ALDH1L1: variants seen among roughly 807,000 people sequenced by gnomAD.
The protein encoded by ALDH1L1 is cytosolic 10-formyltetrahydrofolate dehydrogenase.
Under a neutral mutation model 101.1 loss-of-function variants are expected in ALDH1L1, and 68 were observed. The ratio of observed to expected loss-of-function variants is 0.67; its 90% CI spans 0.55 to 0.82. The LOEUF (loss-of-function observed/expected upper bound fraction) is 0.82, where lower values mean the gene tolerates loss of function less well. ALDH1L1 is among the 40% of genes least tolerant of loss of function. The pLI is 0.00. For missense variants in ALDH1L1, 1,087 were observed against 1,172.7 expected, an observed-to-expected ratio of 0.93 and a Z score of 1.07; for synonymous variants, 486 against 470.8, an observed-to-expected ratio of 1.03 and a Z score of -0.42.
chr3:126,139,461 C>G (rs1334610058), intron 9 of ALDH1L1, among the ~76,000 whole-genome samples: 1 of 152,022 alleles, frequency 6.6e-6, no homozygotes, highest in Non-Finnish European at 1.5e-5. Context: ...CACAACATAA[C>G]ACCCAAAATG....
chr3:126,134,840 C>G (rs2080394377), intron 12 of ALDH1L1, among the ~76,000 whole-genome samples: 1 of 152,188 alleles, frequency 6.6e-6, no homozygotes, highest in South Asian at 2.1e-4. Context: ...GTGTTCTCGG[C>G]TCATCTGGCC....
chr3:126,145,334 A>G lies in ALDH1L1; in HGVS notation c.1076+1501T>C, dbSNP rs148855376. On this transcript the variant is annotated intron_variant, in intron 9 of 22. Transcript: ENST00000393434. The stretch of plus-strand genomic sequence containing the variant: ...AAAAAATTAAAAGAAGAACTATCAT[A>G]TGACCCAGTAATCTCACTGCTGGGT... Among the ~76,000 whole-genome samples, 20 of 152,358 alleles carry G rather than the reference A, an allele frequency of 1.3e-4. No homozygotes were observed. The East Asian group carries it at 2.3e-3, about 18-fold the overall frequency.
At chr3:126,131,733 C>T (rs1346476144) in intron 12 of ALDH1L1, among the ~76,000 whole-genome samples, 199 bp from the exon 13 acceptor site, 1 of 152,256 alleles carries the variant, frequency 6.6e-6, no homozygotes, top group Non-Finnish European at 1.5e-5. Flanking sequence ...GGATGACACC[C>T]TCTGTCCCTC....
chr3:126,132,207 G>A (rs906031867), intron 12 of ALDH1L1, among the ~76,000 whole-genome samples: 6 of 152,234 alleles, frequency 3.9e-5, no homozygotes, highest in Non-Finnish European at 7.3e-5. Flanking sequence ...GACAGGGAAA[G>A]TGGAGACCAC....
chr3:126,191,352 G>A (rs2081552324), intron 1 of ALDH1L1, among the ~76,000 whole-genome samples: 1 of 152,226 alleles, frequency 6.6e-6, no homozygotes, highest in Non-Finnish European at 1.5e-5. Context: ...TTAGTGGTGA[G>A]GATGTGCCTC....
intron 9 of ALDH1L1, among the ~76,000 whole-genome samples, chr3:126,145,333 T>C (rs999921544): frequency 1.3e-5 from 2 of 152,210 alleles, no homozygotes; most frequent in Non-Finnish European, 2.9e-5. Flanking sequence ...AGAACTATCA[T>C]ATGACCCAGT....
chr3:126,150,849 C>T (rs1263730043), intron 7 of ALDH1L1: 5 of 252,924 alleles, frequency 2.0e-5, no homozygotes, highest in East Asian at 1.2e-4. Flanking sequence ...TGAGCCACTG[C>T]GCCCGGCCAA....
Position 126,137,963 on chromosome 3 carries a change from G to A in ALDH1L1, c.1077-3C>T, listed in dbSNP as rs778515561. The stretch of plus-strand genomic sequence containing the variant: ...GCTCCTTCACTTCCTCCACCAGCCT[G>A]GAGGAAGGAGATGGAAAGATGGGGA... On this transcript the variant is annotated splice_region_variant and splice_polypyrimidine_tract_variant and intron_variant, in intron 9 of 22. Transcript: ENST00000393434. The A allele has an allele frequency of 9.9e-6, 16 of 1,614,060 alleles. No individual in the cohort carries two copies. The South Asian group carries it at 1.6e-4, about 17-fold the overall frequency.
intron 14 of ALDH1L1, 66 bp downstream of exon 14, chr3:126,130,157 G>C: frequency 6.9e-7 from 1 of 1,440,578 alleles, no homozygotes; most frequent in Non-Finnish European, 9.3e-7. Context: ...CGCAGGCTGT[G>C]CTACAGTTCC....
chr3:126,160,739 G>A, intron 2 of ALDH1L1, 114 bp downstream of exon 2: 1 of 1,481,440 alleles, frequency 6.8e-7, no homozygotes, highest in Non-Finnish European at 9.1e-7. Context: ...CTGCCTCCCA[G>A]CTAGAGCACA....
At chr3:126,179,420 A>G (rs2081427885) in intron 1 of ALDH1L1, among the ~76,000 whole-genome samples, 1 of 152,182 alleles carries the variant, frequency 6.6e-6, no homozygotes, top group South Asian at 2.1e-4. Flanking sequence ...GAATCACTTG[A>G]ACCCGGGAGG....
At chr3:126,127,599 T>G (rs566883288) in intron 14 of ALDH1L1, among the ~76,000 whole-genome samples, 3 of 152,188 alleles carry the variant, frequency 2.0e-5, no homozygotes, top group African/African-American at 7.2e-5. Context: ...GGAGCTCGAG[T>G]GGCTGTTGGG....
chr3:126,121,375 T>C (rs926004832), intron 16 of ALDH1L1, among the ~76,000 whole-genome samples: 3 of 152,110 alleles, frequency 2.0e-5, no homozygotes, highest in African/African-American at 4.8e-5. Flanking sequence ...ATAATACAAT[T>C]AGAAATATAA....
chr3:126,127,856 C>T (rs1000309958), intron 14 of ALDH1L1, among the ~76,000 whole-genome samples: 1 of 152,208 alleles, frequency 6.6e-6, no homozygotes, highest in Non-Finnish European at 1.5e-5. Flanking sequence ...TGATGACAGG[C>T]ATGGGCACAG....
intron 16 of ALDH1L1, among the ~76,000 whole-genome samples, chr3:126,121,077 T>C (rs1287630588): frequency 6.6e-6 from 1 of 152,146 alleles, no homozygotes; most frequent in African/African-American, 2.4e-5. Context: ...CCAGTGTTCT[T>C]ATAAAAATGG....
chr3:126,166,407 C>T (rs561568096), intron 1 of ALDH1L1, among the ~76,000 whole-genome samples: 16 of 152,244 alleles, frequency 1.1e-4, no homozygotes, highest in African/African-American at 3.4e-4. Flanking sequence ...TTCCAAAATC[C>T]ACCCTTACCT....
At chr3:126,154,082 G>C (rs1353268308) in intron 6 of ALDH1L1, among the ~76,000 whole-genome samples, 1 of 152,178 alleles carries the variant, frequency 6.6e-6, no homozygotes, top group Non-Finnish European at 1.5e-5. Context: ...CTGCCCTCAA[G>C]GTTTGCACAA....
At position 126,157,517 on chromosome 3, in the gene ALDH1L1, C is replaced by T. The variant is rs1249800209; in HGVS notation, c.363-9G>A. On this transcript the variant is annotated splice_polypyrimidine_tract_variant and intron_variant, in intron 3 of 22. Coordinates refer to ENST00000393434, the MANE Select transcript of ALDH1L1 (RefSeq NM_012190.4). ...CTCCGTGAATGAGGGTCCTAGGAAG[C>T]AGAAGAGTGAAACCTGGAGTCCACG... 1 of 1,612,036 alleles carries T rather than the reference C, an allele frequency of 6.2e-7. No individual in the cohort carries two copies. Among genetic ancestry groups the T allele is most frequent in the African/African-American group, 1.3e-5 (1 of 74,884 alleles).
intron 20 of ALDH1L1, 50 bp from the exon 21 acceptor site, chr3:126,107,296 G>T: frequency 6.7e-7 from 1 of 1,484,128 alleles, no homozygotes; most frequent in Non-Finnish European, 9.4e-7. Flanking sequence ...GGTGCCCGAT[G>T]GTCCAGCCTC....
Sources: gnomAD v4.1 joint callset for allele counts (sites outside exome capture counted in the v4.1 genomes callset) on GRCh38, gnomAD v4.1.1 for gene constraint, MANE v1.5 for transcripts, NCBI Gene and HGNC (gene_info 2026-07-23, HGNC 2026-07-21) for gene names.